The following NDUFAF7 variants were observed in gnomAD, a reference collection of about 807,000 sequenced individuals.
NDUFAF7 encodes protein arginine methyltransferase NDUFAF7, mitochondrial.
Under a neutral mutation model 47.2 loss-of-function variants are expected in NDUFAF7, and 48 were observed. The observed-to-expected ratio is 1.02, with a 90% confidence interval of 0.81 to 1.29. The LOEUF is 1.29. Ranked by LOEUF, NDUFAF7 falls within the 50% of genes most tolerant of loss-of-function variation. The pLI is 0.00. For synonymous variants in NDUFAF7, 217 were observed against 190.0 expected, an observed-to-expected ratio of 1.14 and a Z score of -1.17; for missense variants, 635 against 537.6, an observed-to-expected ratio of 1.18 and a Z score of -1.79.
intron 6 of NDUFAF7, among the ~76,000 whole-genome samples, chr2:37,243,634 G>C (rs1353815076): frequency 6.6e-6 from 1 of 152,152 alleles, no homozygotes; most frequent in Non-Finnish European, 1.5e-5. Context: ...TACTTTCCAT[G>C]CTGCTGATTT....
At chr2:37,264,265 A>T in the NDUFAF7 span, among the ~76,000 whole-genome samples, 1 of 152,196 alleles carries the variant, frequency 6.6e-6, no homozygotes, top group African/African-American at 2.4e-5. Context: ...AGTTTTTTTC[A>T]ATCTAACAAT....
At chr2:37,256,490 A>T (rs79584724), downstream of NDUFAF7, among the ~76,000 whole-genome samples, 4,945 of 152,280 alleles carry the variant, frequency 0.032, 103 homozygotes, top group Non-Finnish European at 0.048. Context: ...AGATAAAAGT[A>T]TAAAAAGAAG....
chr2:37,256,654 T>TCACCAAAAA, downstream of NDUFAF7: 1 of 1,377,262 alleles, frequency 7.3e-7, no homozygotes, highest in Non-Finnish European at 9.4e-7. Context: ...TTTTTTTTTT[T>TCACCAAAAA]TTTTTACCTT....
intron 4 of NDUFAF7, among the ~76,000 whole-genome samples, chr2:37,239,256 T>C (rs1250819843): frequency 6.6e-6 from 1 of 151,894 alleles, no homozygotes; most frequent in Non-Finnish European, 1.5e-5. Flanking sequence ...GTAGCAGGGA[T>C]AATAGGCGTG....
At chr2:37,239,166 T>C in intron 4 of NDUFAF7, among the ~76,000 whole-genome samples, 1 of 150,648 alleles carries the variant, frequency 6.6e-6, no homozygotes. Context: ...TCACTCAGGC[T>C]GGAGTGCAGT....
the NDUFAF7 span, among the ~76,000 whole-genome samples, chr2:37,262,998 C>T: frequency 6.6e-6 from 1 of 151,924 alleles, no homozygotes. Flanking sequence ...TTCCCCCACA[C>T]AGCAAACCAG....
chr2:37,259,604 T>C, the NDUFAF7 span: 1 of 1,613,036 alleles, frequency 6.2e-7, no homozygotes, highest in Non-Finnish European at 8.5e-7. Flanking sequence ...GCTCTGCTGA[T>C]GCAAGCAGCA....
At position 37,248,855 on chromosome 2, in the gene NDUFAF7, GGTGAGCTGAGATCGTGC is replaced by G. The variant is rs1397365130; in HGVS notation, c.*506_*522del. The G allele has an allele frequency of 1.8e-5, 3 of 167,876 alleles. No individual in the cohort carries two copies. The highest frequency in any genetic ancestry group is 3.9e-5 in the Non-Finnish European group (3 of 76,524). The allele number at this position is 167,876 out of a possible 1,614,324, so 10.4% of individuals were successfully genotyped here. A position where few individuals can be genotyped will look rare whatever the true frequency, so the allele number is the denominator to read the frequency against. Reference sequence around the variant, plus strand: ...CTTGAACCTGGGAGGTGGAGGTTGCGGTGAGCTGAGATCGTGCCACTGCACTCCAGCCTGGGCAACAA... The same window carrying G: ...CTTGAACCTGGGAGGTGGAGGTTGCGCACTGCACTCCAGCCTGGGCAACAA... On this transcript the variant is annotated 3_prime_UTR_variant, in exon 10 of 10. Coordinates refer to ENST00000002125, the MANE Select transcript of NDUFAF7 (RefSeq NM_144736.5).
intron 6 of NDUFAF7, 49 bp from the exon 7 acceptor site, chr2:37,243,814 A>T: frequency 7.2e-7 from 1 of 1,394,876 alleles, no homozygotes; most frequent in Non-Finnish European, 1.0e-6. Context: ...GAAGCAATGT[A>T]GAGAACAAAC....
Position 37,232,176 on chromosome 2 carries a change from G to C in NDUFAF7, c.126G>C (p.Pro42=). ...AGCCTGCAGAAAACCCGGTGACGCC[G>C]ATGCTGCGGCATCTTATGTACAAAA... is the stretch of plus-strand genomic sequence containing the variant. ...GNEPAENPVT[P]MLRHLMYKIK... Residue 42 remains proline, a synonymous_variant, in exon 2 of 10, where the codon CCG becomes CCC. Coordinates refer to ENST00000002125, the MANE Select transcript of NDUFAF7 (RefSeq NM_144736.5). The C allele has an allele frequency of 6.2e-7, 1 of 1,614,182 alleles. No homozygotes were observed. The highest frequency in any genetic ancestry group is 1.1e-5 in the South Asian group (1 of 91,088).
At chr2:37,233,064 T>C (rs1382400859) in intron 2 of NDUFAF7, among the ~76,000 whole-genome samples, 1 of 152,194 alleles carries the variant, frequency 6.6e-6, no homozygotes, top group Non-Finnish European at 1.5e-5. Context: ...TAGACTAGTG[T>C]GGTGGTACTA....
chr2:37,242,599 T>C, intron 5 of NDUFAF7, 36 bp from the exon 6 acceptor site: 1 of 1,488,614 alleles, frequency 6.7e-7, no homozygotes, highest in South Asian at 1.1e-5. Context: ...TCCTGTGAAA[T>C]GTGGAAACAT....
At chr2:37,254,972 A>G (rs1465267010), downstream of NDUFAF7, among the ~76,000 whole-genome samples, 5 of 152,230 alleles carry the variant, frequency 3.3e-5, no homozygotes, top group African/African-American at 4.8e-5. Flanking sequence ...CTACATACTA[A>G]CTACAGCCCT....
At chr2:37,247,733 A>T in intron 9 of NDUFAF7, 104 bp downstream of exon 9, 5 of 1,329,790 alleles carry the variant, frequency 3.8e-6, no homozygotes, top group Non-Finnish European at 5.3e-6. Flanking sequence ...TAGTTAGCCA[A>T]TCCTTGGTAT....
chr2:37,254,468 G>GT (rs1043653745), downstream of NDUFAF7, among the ~76,000 whole-genome samples: 9 of 152,300 alleles, frequency 5.9e-5, no homozygotes, highest in African/African-American at 2.2e-4. Flanking sequence ...TGATTTAAGT[G>GT]TATCTGTCAA....
chr2:37,232,207 T>C lies in NDUFAF7; in HGVS notation c.157T>C (p.Ser53Pro), dbSNP rs1445128310. The change falls in exon 2 of 10, where the codon TCT becomes CCT. Residue 53 changes from serine (S) to proline (P), a missense_variant. Coordinates refer to ENST00000002125, the MANE Select transcript of NDUFAF7 (RefSeq NM_144736.5). ...MLRHLMYKIK[S>P]TGPITVAEYM... ...GCGGCATCTTATGTACAAAATAAAG[T>C]CTACTGGTCCCATCACTGTGGCCGA... is the stretch of plus-strand genomic sequence containing the variant. The C allele has an allele frequency of 6.2e-7, 1 of 1,613,978 alleles. No homozygotes were observed. The highest frequency in any genetic ancestry group is 1.1e-5 in the South Asian group (1 of 91,066).
chr2:37,247,756 A>C, intron 9 of NDUFAF7, 127 bp downstream of exon 9: 1 of 1,137,280 alleles, frequency 8.8e-7, no homozygotes, highest in South Asian at 1.3e-5. Context: ...CAGTCTTTTC[A>C]GGTAGTATAG....
chr2:37,241,550 T>C, intron 4 of NDUFAF7, 28 bp from the exon 5 acceptor site: 7 of 1,544,898 alleles, frequency 4.5e-6, no homozygotes, highest in Non-Finnish European at 5.3e-6. Context: ...TAACACATTG[T>C]ATTTTTTTTT....
chr2:37,235,562 T>G (rs1665665133), intron 2 of NDUFAF7, among the ~76,000 whole-genome samples: 1 of 152,126 alleles, frequency 6.6e-6, no homozygotes, highest in African/African-American at 2.4e-5. Flanking sequence ...ACGGTCAAGG[T>G]GTAATTGTTT....
Sources: allele counts gnomAD v4.1 joint callset (sites outside exome capture counted in the v4.1 genomes callset), GRCh38; gene constraint gnomAD v4.1.1; transcripts MANE v1.5; gene names NCBI Gene and HGNC (gene_info 2026-07-23, HGNC 2026-07-21).